UQCC1: variants seen among roughly 807,000 people sequenced by gnomAD.
The protein encoded by UQCC1 is bFGF-repressed Zic-binding protein.
A neutral mutation model predicts 48.0 loss-of-function variants in UQCC1; 38 were observed. The observed-to-expected ratio is 0.79, with a 90% confidence interval of 0.61 to 1.04. The LOEUF (loss-of-function observed/expected upper bound fraction) is 1.04. Among genes scored for constraint, UQCC1 ranks in the 50% least tolerant of loss-of-function variants. The pLI is 0.00. For synonymous variants in UQCC1, 111 were observed against 129.2 expected, an observed-to-expected ratio of 0.86 and a Z score of 0.95; for missense variants, 368 against 381.8, an observed-to-expected ratio of 0.96 and a Z score of 0.30.
At chr20:35,402,997 G>A (rs775822879) in intron 1 of UQCC1, among the ~76,000 whole-genome samples, 29 of 151,994 alleles carry the variant, frequency 1.9e-4, no homozygotes, top group Non-Finnish European at 3.5e-4. Context: ...AACCCGGGAG[G>A]CGGAGGTTGC....
chr20:35,392,329 C>A, intron 2 of UQCC1: 1 of 1,282,782 alleles, frequency 7.8e-7, no homozygotes, highest in Non-Finnish European at 1.0e-6. Context: ...GACAAAAGGT[C>A]CAGTTGATTT....
At chr20:35,374,463 A>G (rs139434167) in intron 4 of UQCC1, among the ~76,000 whole-genome samples, 2 of 152,332 alleles carry the variant, frequency 1.3e-5, no homozygotes, top group African/African-American at 4.8e-5. Context: ...ATATTTTAGG[A>G]CTTTAGCATG....
chr20:35,316,150 A>G (rs1264772631), intron 7 of UQCC1, among the ~76,000 whole-genome samples: 2 of 152,230 alleles, frequency 1.3e-5, no homozygotes, highest in Non-Finnish European at 2.9e-5. Context: ...AAGGACTCTG[A>G]CTATCTGAAC....
At chr20:35,381,816 G>T in intron 4 of UQCC1, 102 bp downstream of exon 4, 1 of 735,838 alleles carries the variant, frequency 1.4e-6, no homozygotes, top group Non-Finnish European at 2.3e-6. Context: ...CCAAAATAAT[G>T]TATGAATTCC....
intron 7 of UQCC1, among the ~76,000 whole-genome samples, chr20:35,327,926 A>T (rs1207799590): frequency 6.6e-6 from 1 of 151,540 alleles, no homozygotes; most frequent in Non-Finnish European, 1.5e-5. Context: ...TGCTTGAACC[A>T]GGAGGCAAAG....
intron 4 of UQCC1, among the ~76,000 whole-genome samples, chr20:35,379,254 T>C (rs994870407): frequency 2.6e-5 from 4 of 152,066 alleles, no homozygotes; most frequent in Admixed American, 1.3e-4. Flanking sequence ...ACATGAAACC[T>C]AAAGAAAAAG....
chr20:35,368,517 CCTCT>C (rs1171850006), intron 5 of UQCC1, among the ~76,000 whole-genome samples: 2 of 152,158 alleles, frequency 1.3e-5, no homozygotes, highest in African/African-American at 2.4e-5. Context: ...GCTCTAACAG[CCTCT>C]CTAATACCAC....
chr20:35,398,675 A>G (rs2062115897), intron 1 of UQCC1, among the ~76,000 whole-genome samples: 1 of 150,712 alleles, frequency 6.6e-6, no homozygotes, highest in Non-Finnish European at 1.5e-5. Context: ...TACCAGAAAC[A>G]TTCAATGTCA....
Position 35,390,362 on chromosome 20 carries a change from C to T in UQCC1, c.129+3730G>A, listed in dbSNP as rs572229954. Reference sequence around the variant, plus strand: ...GCTTGAACCTGGGAGGCGGAGGTTGCAGTGAGCTGAGATTGCACCACTGCA... The same window carrying T: ...GCTTGAACCTGGGAGGCGGAGGTTGTAGTGAGCTGAGATTGCACCACTGCA... On this transcript the variant is annotated intron_variant, in intron 2 of 9. Transcript: ENST00000374385. 1.0e-3 allele frequency among the ~76,000 whole-genome samples: 155 copies of T among 149,034 alleles called. 1 individual carries two copies. Among genetic ancestry groups the T allele is most frequent in the African/African-American group, 3.5e-3 (141 of 40,268 alleles).
intron 7 of UQCC1, chr20:35,345,354 T>C (rs2061420966): frequency 6.6e-6 from 1 of 152,072 alleles, no homozygotes; most frequent in Non-Finnish European, 1.5e-5. Context: ...GAGTACACAA[T>C]GTTGGAATTG....
chr20:35,359,790 C>G (rs2061586173), intron 6 of UQCC1, among the ~76,000 whole-genome samples: 1 of 152,210 alleles, frequency 6.6e-6, no homozygotes, highest in Admixed American at 6.5e-5. Context: ...GCCTAGATGG[C>G]TACACTCAAG....
At position 35,410,654 on chromosome 20, in the gene UQCC1, G is replaced by A. The variant is rs191357783; in HGVS notation, c.24+1286C>T. Among the ~76,000 whole-genome samples, 304 of 121,812 alleles carry A rather than the reference G, an allele frequency of 2.5e-3. 1 individual carries two copies. The highest frequency in any genetic ancestry group is 8.6e-3 in the African/African-American group (279 of 32,262). The allele number at this position is 121,812 out of a possible 152,430, so 79.9% of individuals were successfully genotyped here. ...CGGGAGCAGAAGTTGCAGTGAGCCC[G>A]AGATGGCACCACTGCACTCCAGCTT... On this transcript the variant is annotated intron_variant, in intron 1 of 9. Transcript: ENST00000374385.
At position 35,303,937 on chromosome 20, in the gene UQCC1, A is replaced by C. The variant is rs1020512969; in HGVS notation, c.898T>G (p.Ter300GlyextTer48). ...GGCCGTGCGGAGGGCCCAGCCCATCAAAGTCCCTCGTCGTTGTAAGTCGGA... is the reference window on the plus strand; with the variant it reads ...GGCCGTGCGGAGGGCCCAGCCCATCCAAGTCCCTCGTCGTTGTAAGTCGGA... ...HSPTYNDEGL* is the reference protein window; with the variant it reads ...HSPTYNDEGLG Residue 300 changes from the stop codon to glycine, a stop_lost, in exon 10 of 10, where the codon TGA becomes GGA. Coordinates refer to ENST00000374385, the MANE Select transcript of UQCC1 (RefSeq NM_018244.5). The C allele has an allele frequency of 6.2e-7, 1 of 1,614,068 alleles. No individual in the cohort carries two copies. The highest frequency in any genetic ancestry group is 8.5e-7 in the Non-Finnish European group (1 of 1,180,032).
intron 1 of UQCC1, among the ~76,000 whole-genome samples, chr20:35,411,090 C>A (rs1323688256): frequency 6.6e-6 from 1 of 151,714 alleles, no homozygotes; most frequent in African/African-American, 2.4e-5. Flanking sequence ...AAAACAGTGT[C>A]TTTGACCCAG....
At chr20:35,395,466 A>AC (rs2062063956) in intron 1 of UQCC1, among the ~76,000 whole-genome samples, 2 of 151,774 alleles carry the variant, frequency 1.3e-5, no homozygotes, top group African/African-American at 4.8e-5. Flanking sequence ...ACAAAAAAAA[A>AC]CCCATAAACT....
At chr20:35,315,115 G>A (rs534437111) in intron 7 of UQCC1, 54 of 165,748 alleles carry the variant, frequency 3.3e-4, no homozygotes, top group African/African-American at 1.2e-3. Context: ...TAATTATACT[G>A]CAACATGTTG....
At chr20:35,374,117 A>T in intron 5 of UQCC1, 67 bp downstream of exon 5, 1 of 1,342,756 alleles carries the variant, frequency 7.4e-7, no homozygotes, top group Non-Finnish European at 1.1e-6. Context: ...CTATCCTATT[A>T]AAACACAACC....
intron 6 of UQCC1, among the ~76,000 whole-genome samples, chr20:35,349,014 T>G (rs2061461467): frequency 6.6e-6 from 1 of 152,194 alleles, no homozygotes; most frequent in Admixed American, 6.5e-5. Context: ...ATAGGATTAC[T>G]CACCTAAAAG....
chr20:35,359,209 T>G (rs981708602), intron 6 of UQCC1, among the ~76,000 whole-genome samples: 1 of 152,192 alleles, frequency 6.6e-6, no homozygotes, highest in Non-Finnish European at 1.5e-5. Context: ...GTAAGATGCA[T>G]TTACATTCAT....
Sources: allele counts gnomAD v4.1 joint callset (sites outside exome capture counted in the v4.1 genomes callset), GRCh38; gene constraint gnomAD v4.1.1; transcripts MANE v1.5; gene names NCBI Gene and HGNC (gene_info 2026-07-23, HGNC 2026-07-21).